TECTA: variants seen among roughly 807,000 people sequenced by gnomAD.
The protein encoded by TECTA is alpha-tectorin.
Under a neutral mutation model 216.8 loss-of-function variants are expected in TECTA, and 128 were observed. The ratio of observed to expected loss-of-function variants is 0.59; its 90% CI spans 0.51 to 0.68. TECTA has a LOEUF of 0.68. Among genes scored for constraint, TECTA ranks in the 30% least tolerant of loss-of-function variants. TECTA has a pLI of 0.00. For synonymous variants in TECTA, 1,089 were observed against 1,117.1 expected (o/e 0.97, Z 0.50); for missense variants, 2,551 against 2,786.2 (o/e 0.92, Z 1.90).
intron 3 of TECTA, among the ~76,000 whole-genome samples, chr11:121,108,206 G>C (rs1255238062): frequency 2.0e-5 from 3 of 151,718 alleles, no homozygotes; most frequent in Non-Finnish European, 2.9e-5. Flanking sequence ...TTTTGTATTA[G>C]TGACCCTGAA....
intron 15 of TECTA, among the ~76,000 whole-genome samples, chr11:121,161,746 GTTA>G (rs771742218): frequency 4.6e-5 from 7 of 150,722 alleles, no homozygotes; most frequent in Non-Finnish European, 7.4e-5. Context: ...CCTGTTAATG[GTTA>G]TTATATCAAT....
At chr11:121,155,946 G>C (rs1946936412) in intron 13 of TECTA, among the ~76,000 whole-genome samples, 1 of 152,136 alleles carries the variant, frequency 6.6e-6, no homozygotes. Flanking sequence ...TCCTGGGAAA[G>C]AAATGAAAAG....
intron 20 of TECTA, among the ~76,000 whole-genome samples, chr11:121,183,740 T>C (rs1016084434): frequency 6.6e-6 from 1 of 152,228 alleles, no homozygotes; most frequent in African/African-American, 2.4e-5. Flanking sequence ...AAAATAATTC[T>C]TTATTCTGTT....
chr11:121,127,678 C>G lies in TECTA; in HGVS notation c.1775-74C>G. On this transcript the variant is annotated intron_variant, in intron 8 of 23. Coordinates refer to ENST00000392793, the MANE Select transcript of TECTA (RefSeq NM_005422.4). This position sits in a 1 kb window ranked among gnomAD's most constrained non-coding sequence, Gnocchi z 5.0. ...TAGGAACTAAATGATCCAGGAGGAG[C>G]GTTAAGATTCTGGCGGGTTAGCACT... The G allele has an allele frequency of 6.6e-7, 1 of 1,523,552 alleles. No homozygotes were observed. The highest frequency in any genetic ancestry group is 1.1e-5 in the South Asian group (1 of 89,266). 94.4% of individuals were successfully genotyped at this position (1,523,552 alleles called of 1,614,324 possible). A position where few individuals can be genotyped will look rare whatever the true frequency, so the allele number is the denominator to read the frequency against.
rs1302241352 is a variant in TECTA, at chr11:121,146,285, G to A, written c.4105+169G>A. ...AATGAAGCATGACATGTAACCTCTT[G>A]GAGCCTCCATGTCCTTATTGGTAAA... On this transcript the variant is annotated intron_variant, in intron 12 of 23. Coordinates refer to ENST00000392793, the MANE Select transcript of TECTA (RefSeq NM_005422.4). 5.2e-6 allele frequency: 4 copies of A among 772,474 alleles called. No homozygotes were observed. The East Asian group carries it at 1.1e-4, about 21-fold the overall frequency. The allele number at this position is 772,474 out of a possible 1,614,324, so 47.9% of individuals were successfully genotyped here. A position where few individuals can be genotyped will look rare whatever the true frequency, so the allele number is the denominator to read the frequency against.
At chr11:121,153,719 G>A (rs1179711493) in intron 13 of TECTA, among the ~76,000 whole-genome samples, 4 of 152,160 alleles carry the variant, frequency 2.6e-5, no homozygotes, top group Admixed American at 6.5e-5. Flanking sequence ...GATGCCCTTC[G>A]TAGATGTTTC....
At chr11:121,177,303 G>T (rs1316405078) in intron 20 of TECTA, among the ~76,000 whole-genome samples, 2 of 152,220 alleles carry the variant, frequency 1.3e-5, no homozygotes, top group Non-Finnish European at 1.5e-5. Context: ...CATCTTTGTG[G>T]TTTTATCTAC....
At chr11:121,117,047 G>A (rs183211177) in intron 6 of TECTA, among the ~76,000 whole-genome samples, 2 of 152,296 alleles carry the variant, frequency 1.3e-5, no homozygotes, top group East Asian at 1.9e-4. Context: ...TGATACACCC[G>A]CACCCTCAAC....
At chr11:121,134,431 G>A (rs1946705871) in intron 10 of TECTA, among the ~76,000 whole-genome samples, 2 of 151,974 alleles carry the variant, frequency 1.3e-5, no homozygotes, top group African/African-American at 4.8e-5. Context: ...TGTCATCTCA[G>A]AAGGGCAGTT....
Position 121,153,077 on chromosome 11 carries a change from C to T in TECTA, c.4302C>T (p.Tyr1434=), listed in dbSNP as rs767937741. 6.2e-7 allele frequency: 1 copy of T among 1,613,308 alleles called. No homozygotes were observed. Among genetic ancestry groups the T allele is most frequent in the East Asian group, 2.2e-5 (1 of 44,854 alleles). The change falls in exon 13 of 24, where the codon TAC becomes TAT. Residue 1434 remains tyrosine, a synonymous_variant. Coordinates refer to ENST00000392793, the MANE Select transcript of TECTA (RefSeq NM_005422.4). ...SCGCYSDGKY[Y]EPKQLFWNSD... is the part of the protein sequence containing the mutation. ...GCTGCTACTCCGATGGCAAATATTA[C>T]GAGGTATGGGAGGCCAGCCCGGCCT...
chr11:121,128,758 G>C (rs1490981056), intron 9 of TECTA, among the ~76,000 whole-genome samples: 1 of 152,140 alleles, frequency 6.6e-6, no homozygotes, highest in Non-Finnish European at 1.5e-5. Flanking sequence ...TGCCTGGCTG[G>C]CTCCAGAATC....
chr11:121,114,360 C>A (rs907373108), intron 6 of TECTA, among the ~76,000 whole-genome samples: 4 of 152,176 alleles, frequency 2.6e-5, no homozygotes, highest in Non-Finnish European at 4.4e-5. Context: ...AAGTTTGGAG[C>A]CTTTTCTGAA....
In TECTA at chr11:121,113,791, CG is replaced by C; in HGVS notation, c.790+78del. 3 of 1,566,298 alleles carry C rather than the reference CG, an allele frequency of 1.9e-6. No homozygotes were observed. Among genetic ancestry groups the C allele is most frequent in the Middle Eastern group, 2.3e-4 (1 of 4,404 alleles). On this transcript the variant is annotated intron_variant, in intron 6 of 23. Coordinates refer to ENST00000392793, the MANE Select transcript of TECTA (RefSeq NM_005422.4). The surrounding 1 kb of genome is among the most constrained non-coding windows in gnomAD (Gnocchi z 4.2). ...GATTGACAGGCAAGCTTTTAAGCCACGGGGGCGGACTCATTCCTGATGCCTT... is the reference window on the plus strand; with the variant it reads ...GATTGACAGGCAAGCTTTTAAGCCACGGGGCGGACTCATTCCTGATGCCTT...
rs1214840815 is a variant in TECTA at position 121,191,077 on chromosome 11, A to G, written c.*271A>G. ...GTTGTCACTAGAGACTTTGGTTCAC[A>G]TGAAAAACCAGTAAAGGAAAAAAAT... On this transcript the variant is annotated 3_prime_UTR_variant, in exon 24 of 24. Coordinates refer to ENST00000392793, the MANE Select transcript of TECTA (RefSeq NM_005422.4). 2 of 361,366 alleles carry G rather than the reference A, an allele frequency of 5.5e-6. No homozygotes were observed. The highest frequency in any genetic ancestry group is 4.0e-5 in the Admixed American group (1 of 25,196). The allele number at this position is 361,366 out of a possible 1,614,324, so 22.4% of individuals were successfully genotyped here. A position where few individuals can be genotyped will look rare whatever the true frequency, so the allele number is the denominator to read the frequency against.
rs761556116 is a variant in TECTA, at chr11:121,158,043, T to G, written c.4508T>G (p.Leu1503Arg). 1.2e-6 allele frequency: 2 copies of G among 1,613,434 alleles called. No individual in the cohort carries two copies. Among genetic ancestry groups the G allele is most frequent in the Non-Finnish European group, 1.7e-6 (2 of 1,179,980 alleles). ...TTCCGCACCTTCGACGGCGCCTTCCTGCGCTTCCCAGCCAACTGCGCCTTC... is the reference window on the plus strand; with the variant it reads ...TTCCGCACCTTCGACGGCGCCTTCCGGCGCTTCCCAGCCAACTGCGCCTTC... ...GVFRTFDGAF[L>R]RFPANCAFVL... is the part of the protein sequence containing the mutation. Residue 1503 changes from leucine to arginine, a missense_variant, in exon 14 of 24, where the codon CTG (leucine) becomes CGG (arginine). Leu to Arg is a moderately radical substitution (Grantham distance 102, BLOSUM62 -2). Transcript: ENST00000392793.
In TECTA at chr11:121,125,598, C is replaced by T. The variant is rs369176853; in HGVS notation, c.1500C>T (p.Asp500=). ...TGTACCACGCAGACTGGAAGTGCGA[C>T]TCCGGCTGCGTCGACAACTGCACCC... ...WRVYHADWKC[D]SGCVDNCTQC... is the part of the protein sequence containing the mutation. The change falls in exon 8 of 24, where the codon GAC becomes GAT. Residue 500 remains aspartate, a synonymous_variant. Transcript: ENST00000392793. 1 of 1,613,868 alleles carries T rather than the reference C, an allele frequency of 6.2e-7. No homozygotes were observed. The highest frequency in any genetic ancestry group is 8.5e-7 in the Non-Finnish European group (1 of 1,179,826).
At chr11:121,111,927 T>C (rs1257043222) in intron 4 of TECTA, among the ~76,000 whole-genome samples, 2 of 152,216 alleles carry the variant, frequency 1.3e-5, no homozygotes, top group South Asian at 2.1e-4. Context: ...TTCTTACTCA[T>C]AGCTTGCCTC....
At position 121,128,351 on chromosome 11, in the gene TECTA, C is replaced by T. The variant is rs1339086285; in HGVS notation, c.2367+7C>T. Reference sequence around the variant, plus strand: ...CGGGGCTTCGGAAGTCAAGGTAAGGCTCCTTGCTCCTTTGGAGGGGTTCCT... The same window carrying T: ...CGGGGCTTCGGAAGTCAAGGTAAGGTTCCTTGCTCCTTTGGAGGGGTTCCT... On this transcript the variant is annotated splice_region_variant and intron_variant, in intron 9 of 23. Coordinates refer to ENST00000392793, the MANE Select transcript of TECTA (RefSeq NM_005422.4). 1 of 1,598,770 alleles carries T rather than the reference C, an allele frequency of 6.3e-7. No individual in the cohort carries two copies. Among genetic ancestry groups the T allele is most frequent in the African/African-American group, 1.3e-5 (1 of 74,908 alleles).
chr11:121,136,116 G>A (rs112269681), intron 10 of TECTA, among the ~76,000 whole-genome samples: 3 of 151,968 alleles, frequency 2.0e-5, no homozygotes, highest in African/African-American at 4.8e-5. Context: ...GTACCACCAC[G>A]CCTGGCTAAT....
Sources: gnomAD v4.1 joint callset for allele counts (sites outside exome capture counted in the v4.1 genomes callset) on GRCh38, gnomAD v4.1.1 for gene constraint, Gnocchi (gnomAD v3.1) non-coding constraint, MANE v1.5 for transcripts, NCBI Gene and HGNC (gene_info 2026-07-23, HGNC 2026-07-21) for gene names.